NAALADL2: variants seen among roughly 807,000 people sequenced by gnomAD.
The protein encoded by NAALADL2 is inactive N-acetylated-alpha-linked acidic dipeptidase-like protein 2.
NAALADL2 carries 76 observed loss-of-function variants against 87.2 expected under a neutral mutation model. That is an observed-to-expected ratio of 0.87 (90% CI 0.72 to 1.05). The LOEUF (loss-of-function observed/expected upper bound fraction) is 1.05. Ranked by LOEUF, NAALADL2 falls within the 50% of genes least tolerant of loss-of-function variation. The probability of loss-of-function intolerance (pLI) is 0.00; values close to 1 mark genes in which losing one functional copy is unlikely to be tolerated. For synonymous variants in NAALADL2, 354 were observed against 331.0 expected, an observed-to-expected ratio of 1.07 and a Z score of -0.75; for missense variants, 1,089 against 945.8, an observed-to-expected ratio of 1.15 and a Z score of -1.99.
chr3:174,949,029 G>A (rs769412624), intron 1 of NAALADL2, among the ~76,000 whole-genome samples: 1 of 152,014 alleles, frequency 6.6e-6, no homozygotes, highest in African/African-American at 2.4e-5. Context: ...AAGAGAAAGG[G>A]GTCTCTCTGG....
Position 175,718,682 on chromosome 3 carries a change from G to A in NAALADL2, c.1897-18624G>A, listed in dbSNP as rs570133987. The A allele has an allele frequency of 2.9e-5, 45 of 1,542,942 alleles. No individual in the cohort carries two copies. The African/African-American group carries it at 3.5e-4, about 12-fold the overall frequency. On this transcript the variant is annotated intron_variant, in intron 11 of 13. Transcript: ENST00000454872. ...GGTGGCTGCCATCTTGCGTTTTCTT[G>A]TATTTTTATAGAGATGGAAGATCAC...
chr3:175,632,989 A>C (rs952081996), intron 11 of NAALADL2, among the ~76,000 whole-genome samples: 2 of 152,146 alleles, frequency 1.3e-5, no homozygotes, highest in African/African-American at 2.4e-5. Context: ...CACAGGTTAC[A>C]GGAAATTTCC....
chr3:175,218,566 G>C (rs1182769515), intron 2 of NAALADL2, among the ~76,000 whole-genome samples: 1 of 151,922 alleles, frequency 6.6e-6, no homozygotes, highest in Non-Finnish European at 1.5e-5. Flanking sequence ...TCTCCCACTT[G>C]TGCACCCTCT....
At chr3:175,296,397 G>A (rs553896573) in intron 4 of NAALADL2, among the ~76,000 whole-genome samples, 1 of 152,112 alleles carries the variant, frequency 6.6e-6, no homozygotes, top group African/African-American at 2.4e-5. Flanking sequence ...AAGTAACTGG[G>A]TTTCACCATA....
intron 1 of NAALADL2, among the ~76,000 whole-genome samples, chr3:175,017,159 A>G (rs1295606814): frequency 6.9e-6 from 1 of 145,528 alleles, no homozygotes; most frequent in Non-Finnish European, 1.5e-5. Flanking sequence ...ATTTGCTCAC[A>G]TTGCTTTTCT....
At chr3:175,554,445 G>A (rs182624382) in intron 9 of NAALADL2, among the ~76,000 whole-genome samples, 10 of 151,804 alleles carry the variant, frequency 6.6e-5, no homozygotes, top group Admixed American at 2.0e-4. Flanking sequence ...TAATTTAAGC[G>A]TTTATGTTTT....
chr3:175,218,515 C>G (rs1398858651), intron 2 of NAALADL2, among the ~76,000 whole-genome samples: 2 of 148,408 alleles, frequency 1.3e-5, no homozygotes, highest in Admixed American at 6.6e-5. Context: ...AGTATACAAA[C>G]CTTAAGTTAA....
At chr3:174,657,010 C>CCT (rs908341698) in intron 2 of NAALADL2, among the ~76,000 whole-genome samples, 5 of 149,012 alleles carry the variant, frequency 3.4e-5, no homozygotes, top group African/African-American at 4.9e-5. Flanking sequence ...TTTTTTCCTT[C>CCT]CTCTCTCTCT....
At chr3:175,650,935 T>C (rs1730677515) in intron 11 of NAALADL2, among the ~76,000 whole-genome samples, 1 of 152,184 alleles carries the variant, frequency 6.6e-6, no homozygotes, top group Non-Finnish European at 1.5e-5. Flanking sequence ...CTGAATGATA[T>C]TATCGAAGTT....
At chr3:175,287,797 T>C (rs1160295024) in intron 4 of NAALADL2, among the ~76,000 whole-genome samples, 1 of 152,214 alleles carries the variant, frequency 6.6e-6, no homozygotes, top group Non-Finnish European at 1.5e-5. Context: ...TCTAGAACAC[T>C]GTGTAGAACA....
chr3:175,638,211 C>A lies in NAALADL2; in HGVS notation c.1896+10825C>A, dbSNP rs116369042. 3.0e-3 allele frequency among the ~76,000 whole-genome samples: 458 copies of A among 152,140 alleles called. 3 individuals are homozygous for A. The highest frequency in any genetic ancestry group is 0.011 in the African/African-American group (448 of 41,514). On this transcript the variant is annotated intron_variant, in intron 11 of 13. Coordinates refer to ENST00000454872, the MANE Select transcript of NAALADL2 (RefSeq NM_207015.3). ...CCTGAATGACAATCAGTTTATATGC[C>A]GTAGAGATATTTATTCGATCCACAT...
intron 1 of NAALADL2, among the ~76,000 whole-genome samples, chr3:174,544,567 CTTTTTTTTTTTTTT>C (rs10575227): frequency 6.1e-5 from 7 of 115,168 alleles, no homozygotes; most frequent in African/African-American, 2.1e-4. Context: ...TTTTTGTTTT[CTTTTTTTTTTTTTT>C]TTTTGAGACA....
intron 1 of NAALADL2, among the ~76,000 whole-genome samples, chr3:175,087,467 AAG>A (rs1719238499): frequency 6.6e-6 from 1 of 152,204 alleles, no homozygotes; most frequent in Non-Finnish European, 1.5e-5. Flanking sequence ...CGAATAGAAA[AAG>A]GGGGAAATGT....
intron 1 of NAALADL2, among the ~76,000 whole-genome samples, chr3:174,463,672 C>T (rs1490685233): frequency 7.0e-6 from 1 of 143,088 alleles, no homozygotes; most frequent in Non-Finnish European, 1.5e-5. Flanking sequence ...GCAATTTTGG[C>T]TCACTTCAAG....
At chr3:175,090,752 T>C (rs1444167986) in intron 1 of NAALADL2, among the ~76,000 whole-genome samples, 1 of 152,102 alleles carries the variant, frequency 6.6e-6, no homozygotes, top group African/African-American at 2.4e-5. Flanking sequence ...TACTACTCAT[T>C]TTAGAGTAGG....
chr3:174,700,165 G>A (rs1289037767), intron 2 of NAALADL2, among the ~76,000 whole-genome samples: 1 of 149,540 alleles, frequency 6.7e-6, no homozygotes, highest in African/African-American at 2.5e-5. Flanking sequence ...GGGCCTCAGG[G>A]TTATTTAATC....
chr3:174,885,908 T>G (rs1341784868), intron 1 of NAALADL2, among the ~76,000 whole-genome samples: 566 of 43,848 alleles, frequency 0.013, 44 homozygotes, highest in African/African-American at 0.066. Context: ...TTTTTTTTTT[T>G]TTTTTTTTTT....
At chr3:175,301,822 C>T (rs1757122140) in intron 4 of NAALADL2, among the ~76,000 whole-genome samples, 1 of 152,154 alleles carries the variant, frequency 6.6e-6, no homozygotes, top group African/African-American at 2.4e-5. Context: ...GATGCTTCCA[C>T]AGTCTGAGGA....
chr3:174,494,391 G>A (rs111665063), intron 1 of NAALADL2, among the ~76,000 whole-genome samples: 67 of 150,584 alleles, frequency 4.4e-4, no homozygotes, highest in African/African-American at 1.2e-3. Context: ...TTCAAACACC[G>A]CATGTTCTCA....
Sources: gnomAD v4.1 joint callset for allele counts (sites outside exome capture counted in the v4.1 genomes callset) on GRCh38, gnomAD v4.1.1 for gene constraint, MANE v1.5 for transcripts, NCBI Gene and HGNC (gene_info 2026-07-23, HGNC 2026-07-21) for gene names.